Variants in XYLT1 observed in about 807,000 individuals in gnomAD.
XYLT1 encodes the protein xylosyltransferase 1, also known as beta-D-xylosyltransferase 1.
In XYLT1, 36 loss-of-function variants were observed where a neutral mutation model predicts 91.3. The ratio of observed to expected loss-of-function variants is 0.39; its 90% CI spans 0.30 to 0.52. The LOEUF (loss-of-function observed/expected upper bound fraction) is 0.52, where lower values mean the gene tolerates loss of function less well. Among genes scored for constraint, XYLT1 ranks in the 20% least tolerant of loss-of-function variants. The pLI is 0.68. For missense variants in XYLT1, 1,242 were observed against 1,284.5 expected (o/e 0.97, Z 0.51); for synonymous variants, 588 against 532.0 (o/e 1.11, Z -1.45).
chr16:17,244,496 G>C (rs961093178), intron 3 of XYLT1, among the ~76,000 whole-genome samples: 2 of 152,260 alleles, frequency 1.3e-5, no homozygotes, highest in Non-Finnish European at 1.5e-5. Flanking sequence ...ACCAATACAG[G>C]CTTTTCACAG....
chr16:17,382,233 T>G (rs2035691599), intron 1 of XYLT1, among the ~76,000 whole-genome samples: 1 of 151,792 alleles, frequency 6.6e-6, no homozygotes, highest in African/African-American at 2.4e-5. Flanking sequence ...GTGGAAAGTA[T>G]CACTGCACAT....
chr16:17,346,447 A>C (rs1000457439), intron 2 of XYLT1, among the ~76,000 whole-genome samples: 1 of 152,200 alleles, frequency 6.6e-6, no homozygotes, highest in Non-Finnish European at 1.5e-5. Flanking sequence ...CCCCATGCAA[A>C]GGGGCAGCTG....
chr16:17,444,849 T>A (rs1458855803), intron 1 of XYLT1, among the ~76,000 whole-genome samples: 1 of 151,954 alleles, frequency 6.6e-6, no homozygotes, highest in African/African-American at 2.4e-5. Context: ...AAATACAGAC[T>A]GAGGGAATGA....
At chr16:17,133,202 C>A (rs1266760820) in intron 9 of XYLT1, among the ~76,000 whole-genome samples, 1 of 151,968 alleles carries the variant, frequency 6.6e-6, no homozygotes, top group Non-Finnish European at 1.5e-5. Context: ...GGAAACCTTG[C>A]TGGCCAGGGA....
chr16:17,243,970 T>C (rs2033392647), intron 3 of XYLT1, among the ~76,000 whole-genome samples: 1 of 152,174 alleles, frequency 6.6e-6, no homozygotes, highest in Non-Finnish European at 1.5e-5. Flanking sequence ...TGTGGGGATG[T>C]CCTGTGCATT....
In XYLT1 at chr16:17,165,881, T is replaced by C. The variant is rs554754416; in HGVS notation, c.1290-6972A>G. Among the ~76,000 whole-genome samples, 3 of 152,346 alleles carry C rather than the reference T, an allele frequency of 2.0e-5. No individual in the cohort carries two copies. The East Asian group carries it at 5.8e-4, about 29-fold the overall frequency. On this transcript the variant is annotated intron_variant, in intron 5 of 11. Transcript: ENST00000261381. ...AGATATGGAATTGTTCACTCTAGGA[T>C]TATTTTTCAGTCTTTAATTTCAGAA...
chr16:17,368,591 T>TAAATTA, intron 1 of XYLT1, among the ~76,000 whole-genome samples: 1 of 135,150 alleles, frequency 7.4e-6, no homozygotes, highest in African/African-American at 2.6e-5. Flanking sequence ...GTTTTTACTT[T>TAAATTA]AAAAAAAAAA....
At chr16:17,248,248 C>T (rs140625306) in intron 3 of XYLT1, among the ~76,000 whole-genome samples, 2,485 of 152,274 alleles carry the variant, frequency 0.016, 95 homozygotes, top group Admixed American at 0.094. Flanking sequence ...ATGTCTTTTG[C>T]CTTCCGCCAT....
At chr16:17,187,519 A>G (rs2032211378) in intron 5 of XYLT1, among the ~76,000 whole-genome samples, 1 of 140,670 alleles carries the variant, frequency 7.1e-6, no homozygotes, top group Non-Finnish European at 1.5e-5. Context: ...GTGAGCCAAG[A>G]TCGCACCACT....
At chr16:17,266,516 G>A (rs1049809774) in intron 2 of XYLT1, among the ~76,000 whole-genome samples, 2 of 152,150 alleles carry the variant, frequency 1.3e-5, no homozygotes, top group African/African-American at 4.8e-5. Flanking sequence ...CACACACCTA[G>A]GAAACAGAGG....
intron 2 of XYLT1, among the ~76,000 whole-genome samples, chr16:17,263,286 C>T (rs1308237251): frequency 3.3e-5 from 5 of 152,110 alleles, no homozygotes; most frequent in African/African-American, 1.2e-4. Context: ...CTCCACCCCC[C>T]ACGGCCAATG....
At chr16:17,176,335 C>T (rs921478206) in intron 5 of XYLT1, among the ~76,000 whole-genome samples, 5 of 152,234 alleles carry the variant, frequency 3.3e-5, no homozygotes, top group African/African-American at 1.2e-4. Flanking sequence ...CTGGGTCAGG[C>T]AAGGTGCTAC....
chr16:17,403,735 T>C (rs2035995830), intron 1 of XYLT1, among the ~76,000 whole-genome samples: 1 of 152,208 alleles, frequency 6.6e-6, no homozygotes, highest in South Asian at 2.1e-4. Context: ...ATCACTACTC[T>C]ACTGCAGAAG....
At chr16:17,411,688 T>C (rs1284638159) in intron 1 of XYLT1, among the ~76,000 whole-genome samples, 2 of 152,288 alleles carry the variant, frequency 1.3e-5, no homozygotes, top group Non-Finnish European at 1.5e-5. Context: ...GATCTCTTAA[T>C]AGTTGTAGTT....
At chr16:17,252,319 A>C (rs1171426345) in intron 3 of XYLT1, among the ~76,000 whole-genome samples, 1 of 152,224 alleles carries the variant, frequency 6.6e-6, no homozygotes, top group Non-Finnish European at 1.5e-5. Flanking sequence ...GAGTAACGGC[A>C]GAGCCAGGAA....
chr16:17,223,160 TA>T (rs2033002490), intron 3 of XYLT1, among the ~76,000 whole-genome samples: 1 of 152,150 alleles, frequency 6.6e-6, no homozygotes, highest in Non-Finnish European at 1.5e-5. Context: ...ACTAAATTAC[TA>T]ACCTTGCCTC....
chr16:17,428,859 C>A (rs1307049041), intron 1 of XYLT1, among the ~76,000 whole-genome samples: 1 of 152,188 alleles, frequency 6.6e-6, no homozygotes, highest in Non-Finnish European at 1.5e-5. Context: ...TTCCTTTACT[C>A]TGGTCCCTGC....
chr16:17,357,172 CAAA>C (rs1168668915), intron 2 of XYLT1, among the ~76,000 whole-genome samples: 115 of 41,638 alleles, frequency 2.8e-3, no homozygotes, highest in African/African-American at 7.1e-3. Context: ...GACTCGGTCT[CAAA>C]AAAAAAAAAA....
At chr16:17,316,129 T>A (rs1567370901) in intron 2 of XYLT1, among the ~76,000 whole-genome samples, 1 of 152,150 alleles carries the variant, frequency 6.6e-6, no homozygotes. Context: ...GCGCACAGCT[T>A]TTATCTGATC....
Sources: allele counts gnomAD v4.1 joint callset (sites outside exome capture counted in the v4.1 genomes callset), GRCh38; gene constraint gnomAD v4.1.1; transcripts MANE v1.5; gene names NCBI Gene and HGNC (gene_info 2026-07-23, HGNC 2026-07-21).